The following FAT3 variants were observed in gnomAD, a reference collection of about 807,000 sequenced individuals.
FAT3 encodes the protein protocadherin Fat 3.
FAT3 carries 95 observed loss-of-function variants against 310.2 expected under a neutral mutation model. That is an observed-to-expected ratio of 0.31 (90% CI 0.26 to 0.36). The LOEUF is 0.36. Among genes scored for constraint, FAT3 ranks in the 10% least tolerant of loss-of-function variants. The pLI, the probability that FAT3 is intolerant of heterozygous loss-of-function variation, is 1.00. For missense variants in FAT3, 5,408 were observed against 5,715.6 expected, an observed-to-expected ratio of 0.95 and a Z score of 1.74; for synonymous variants, 2,314 against 2,192.9, an observed-to-expected ratio of 1.06 and a Z score of -1.54.
chr11:92,418,314 C>A (rs555190738), intron 2 of FAT3, among the ~76,000 whole-genome samples: 4 of 151,854 alleles, frequency 2.6e-5, no homozygotes, highest in Non-Finnish European at 5.9e-5. Context: ...TCCCCTTAGA[C>A]CTTAAAGAAG....
chr11:92,668,624 T>C (rs2135816172), intron 3 of FAT3, among the ~76,000 whole-genome samples: 1 of 152,350 alleles, frequency 6.6e-6, no homozygotes, highest in Non-Finnish European at 1.5e-5. Context: ...TTTTCATTAT[T>C]TGTAAAATGA....
chr11:92,416,061 C>T (rs1320409999), intron 2 of FAT3, among the ~76,000 whole-genome samples: 1 of 130,130 alleles, frequency 7.7e-6, no homozygotes, highest in African/African-American at 3.2e-5. Flanking sequence ...CAGGCAGTCT[C>T]CTGGAAGCCT....
intron 4 of FAT3, among the ~76,000 whole-genome samples, chr11:92,739,824 A>G (rs758609550): frequency 6.6e-6 from 1 of 152,198 alleles, no homozygotes; most frequent in Non-Finnish European, 1.5e-5. Context: ...TGCTTTTGCC[A>G]TAAAATAGAA....
At chr11:92,737,983 A>T (rs1945402157) in intron 4 of FAT3, among the ~76,000 whole-genome samples, 1 of 152,188 alleles carries the variant, frequency 6.6e-6, no homozygotes, top group Non-Finnish European at 1.5e-5. Flanking sequence ...GAGACAGGGC[A>T]TCAGAGTGGT....
chr11:92,792,099 G>A (rs1947054962), intron 8 of FAT3, among the ~76,000 whole-genome samples: 1 of 152,100 alleles, frequency 6.6e-6, no homozygotes, highest in South Asian at 2.1e-4. Context: ...ACTCCTACTT[G>A]TTCTTGTTAC....
chr11:92,747,847 C>T (rs1020324822), intron 4 of FAT3, among the ~76,000 whole-genome samples: 1 of 152,208 alleles, frequency 6.6e-6, no homozygotes, highest in Non-Finnish European at 1.5e-5. Flanking sequence ...TCTGAGACAA[C>T]CTCAGCCTGG....
intron 2 of FAT3, among the ~76,000 whole-genome samples, chr11:92,488,822 G>T (rs924740689): frequency 5.9e-5 from 9 of 152,062 alleles, no homozygotes; most frequent in Admixed American, 5.2e-4. Context: ...AAATCCACCT[G>T]CCTGGGTTTG....
At chr11:92,594,483 T>G (rs1939603309) in intron 3 of FAT3, among the ~76,000 whole-genome samples, 3 of 152,188 alleles carry the variant, frequency 2.0e-5, no homozygotes, top group Admixed American at 2.0e-4. Context: ...GGCTCCTTTG[T>G]TCCACAGTCT....
At chr11:92,721,428 A>G (rs2135973996) in intron 4 of FAT3, among the ~76,000 whole-genome samples, 1 of 152,344 alleles carries the variant, frequency 6.6e-6, no homozygotes, top group Non-Finnish European at 1.5e-5. Flanking sequence ...ATTGTATCTC[A>G]GTAAAGCTAA....
At chr11:92,852,278 C>T (rs939690369) in intron 19 of FAT3, among the ~76,000 whole-genome samples, 8 of 152,228 alleles carry the variant, frequency 5.3e-5, no homozygotes, top group Admixed American at 5.2e-4. Flanking sequence ...TTTGAGGAAT[C>T]TGTTTTTCAA....
chr11:92,516,374 C>T (rs1953484584), intron 2 of FAT3, among the ~76,000 whole-genome samples: 1 of 152,052 alleles, frequency 6.6e-6, no homozygotes, highest in Non-Finnish European at 1.5e-5. Flanking sequence ...ATAAACAGAA[C>T]CTACGACAAA....
Position 92,894,279 on chromosome 11 carries a change from G to A in FAT3, c.*3166G>A, listed in dbSNP as rs1262239055. The A allele has an allele frequency of 6.6e-6, 1 of 152,222 alleles. No homozygotes were observed. Among genetic ancestry groups the A allele is most frequent in the Non-Finnish European group, 1.5e-5 (1 of 68,046 alleles). The allele number at this position is 152,222 out of a possible 1,614,324, so 9.4% of individuals were successfully genotyped here. ...AATGTTTGTATAATAGGGATGAAAT[G>A]ATAATTACAGAGTTCAGCTCAGACC... On this transcript the variant is annotated 3_prime_UTR_variant, in exon 28 of 28. Coordinates refer to ENST00000525166, the MANE Select transcript of FAT3 (RefSeq NM_001367949.2).
intron 1 of FAT3, among the ~76,000 whole-genome samples, chr11:92,319,017 C>T (rs1036265088): frequency 6.6e-6 from 1 of 152,144 alleles, no homozygotes; most frequent in African/African-American, 2.4e-5. Context: ...TCTCATGGAA[C>T]CTTCTCGTGG....
chr11:92,624,954 T>G (rs1941258645), intron 3 of FAT3, among the ~76,000 whole-genome samples: 1 of 152,250 alleles, frequency 6.6e-6, no homozygotes, highest in Non-Finnish European at 1.5e-5. Flanking sequence ...CATTTCTGTC[T>G]CTGTATCCAG....
At chr11:92,772,041 GT>G (rs1215429987) in intron 6 of FAT3, among the ~76,000 whole-genome samples, 3 of 151,992 alleles carry the variant, frequency 2.0e-5, no homozygotes, top group African/African-American at 4.8e-5. Flanking sequence ...GCAAACTAAA[GT>G]TTTATAATTT....
At chr11:92,603,106 T>C (rs1455942445) in intron 3 of FAT3, among the ~76,000 whole-genome samples, 12 of 152,344 alleles carry the variant, frequency 7.9e-5, no homozygotes, top group African/African-American at 2.9e-4. Context: ...AGAAGTCATG[T>C]GGTGATGGCT....
intron 17 of FAT3, among the ~76,000 whole-genome samples, chr11:92,838,943 A>G (rs967214637): frequency 3.3e-5 from 5 of 151,948 alleles, no homozygotes; most frequent in African/African-American, 1.2e-4. Context: ...TGCTTTTTCC[A>G]GCAGCTCTGC....
intron 1 of FAT3, among the ~76,000 whole-genome samples, chr11:92,347,492 C>T (rs1028970504): frequency 6.6e-6 from 1 of 152,122 alleles, no homozygotes; most frequent in African/African-American, 2.4e-5. Context: ...TTTAAGCAGA[C>T]CAGATTAATG....
At position 92,764,957 on chromosome 11, in the gene FAT3, C is replaced by A; in HGVS notation, c.4063C>A (p.Pro1355Thr). 1 of 1,613,850 alleles carries A rather than the reference C, an allele frequency of 6.2e-7. No homozygotes were observed. The highest frequency in any genetic ancestry group is 1.1e-5 in the South Asian group (1 of 91,062). ...CATTGAATGGATTAAGAAACCACCC[C>A]CTTCACCTATACCATTGACCTTCGA... ...LHIEWIKKPP[P>T]SPIPLTFDEP... The change falls in exon 6 of 28, where the codon CCT (proline) becomes ACT (threonine). Residue 1355 changes from proline (P) to threonine (T), a missense_variant. By Grantham distance (38) the Pro-to-Thr change is conservative. Transcript: ENST00000525166.
Sources: allele counts gnomAD v4.1 joint callset (sites outside exome capture counted in the v4.1 genomes callset), GRCh38; gene constraint gnomAD v4.1.1; transcripts MANE v1.5; gene names NCBI Gene and HGNC (gene_info 2026-07-23, HGNC 2026-07-21).